MTFR2: variants seen among roughly 807,000 people sequenced by gnomAD.
MTFR2 encodes the protein DUF729 domain-containing protein 1.
MTFR2 carries 44 observed loss-of-function variants against 41.2 expected under a neutral mutation model. The ratio of observed to expected loss-of-function variants is 1.07; its 90% CI spans 0.84 to 1.37. MTFR2 has a LOEUF of 1.37. MTFR2 is among the 40% of genes most tolerant of loss of function. MTFR2 has a pLI of 0.00. For synonymous variants in MTFR2, 141 were observed against 154.6 expected (o/e 0.91, Z 0.65); for missense variants, 452 against 459.5 (o/e 0.98, Z 0.15).
chr6:136,243,599 G>A (rs1274771231), intron 3 of MTFR2, among the ~76,000 whole-genome samples: 2 of 151,868 alleles, frequency 1.3e-5, no homozygotes, highest in Non-Finnish European at 2.9e-5. Flanking sequence ...AGTAGTCCCA[G>A]CTACTCAGGA....
At position 136,241,069 on chromosome 6, in the gene MTFR2, C is replaced by A. The variant is rs1056003849; in HGVS notation, c.514+375G>T. Reference sequence around the variant, plus strand: ...TCGTGCCACTGCACTCCAGCCTGGGCGACAGAGCAAGACTGCGTCTCAAAA... The same window carrying A: ...TCGTGCCACTGCACTCCAGCCTGGGAGACAGAGCAAGACTGCGTCTCAAAA... On this transcript the variant is annotated intron_variant, in intron 5 of 7. Coordinates refer to ENST00000420702, the MANE Select transcript of MTFR2 (RefSeq NM_001099286.3). Among the ~76,000 whole-genome samples, 505 of 144,252 alleles carry A rather than the reference C, an allele frequency of 3.5e-3. 1 individual carries two copies. Among genetic ancestry groups the A allele is most frequent in the African/African-American group, 0.012 (473 of 38,504 alleles). The allele number at this position is 144,252 out of a possible 152,430, so 94.6% of individuals were successfully genotyped here.
At chr6:136,247,421 C>G in intron 2 of MTFR2, 1 of 437,802 alleles carries the variant, frequency 2.3e-6, no homozygotes, top group Admixed American at 2.7e-5. Context: ...AGTCTCTCTC[C>G]TTTCCAAGAC....
rs936073134 is a variant in MTFR2, at chr6:136,241,573, T to G, written c.385A>C (p.Lys129Gln). 7.4e-6 allele frequency: 12 copies of G among 1,614,100 alleles called. No homozygotes were observed. In the African/African-American group the frequency reaches 1.5e-4, roughly 20 times the overall value. ...SPAVRQKETV[K>Q]NDLPVNEAAI... ...GCTTCATTTACAGGCAGGTCATTTT[T>G]CACAGTTTCTTTCTGTCTTACAGCA... Residue 129 changes from lysine to glutamine, a missense_variant, in exon 5 of 8, where the codon AAA becomes CAA. Physicochemically the swap from Lys to Gln is moderately conservative, Grantham distance 53. Coordinates refer to ENST00000420702, the MANE Select transcript of MTFR2 (RefSeq NM_001099286.3).
At position 136,231,078 on chromosome 6, in the gene MTFR2, A is replaced by T. The variant is rs891343184; in HGVS notation, c.*197T>A. On this transcript the variant is annotated 3_prime_UTR_variant, in exon 8 of 8. Coordinates refer to ENST00000420702, the MANE Select transcript of MTFR2 (RefSeq NM_001099286.3). ...TTAAGCTCTATGTACAGAAGAACAGAGTATAAACGTAAAAAGGAACAAAGG... is the reference window on the plus strand; with the variant it reads ...TTAAGCTCTATGTACAGAAGAACAGTGTATAAACGTAAAAAGGAACAAAGG... The T allele has an allele frequency of 2.0e-6, 1 of 510,600 alleles. No individual in the cohort carries two copies. The highest frequency in any genetic ancestry group is 3.5e-6 in the Non-Finnish European group (1 of 288,402). 31.6% of individuals were successfully genotyped at this position (510,600 alleles called of 1,614,324 possible).
chr6:136,248,756 T>C (rs1325888931), intron 2 of MTFR2: 3 of 389,714 alleles, frequency 7.7e-6, no homozygotes, highest in African/African-American at 2.1e-5. Context: ...GAAGTTTTAA[T>C]GTATCTGTGC....
At position 136,233,489 on chromosome 6, in the gene MTFR2, C is replaced by T. The variant is rs770221119; in HGVS notation, c.880G>A (p.Gly294Ser). Residue 294 changes from glycine (G) to serine (S), a missense_variant, in exon 7 of 8, where the codon GGT (glycine) becomes AGT (serine). Transcript: ENST00000420702. ...KLRAIERSPGGRPIHKRKRQN... is the reference protein window; with the variant it reads ...KLRAIERSPGSRPIHKRKRQN... ...CTTTTCCTCTTATGAATGGGTCTAC[C>T]GCCAGGTGACCTATTTTTTAAAAAA... is the stretch of plus-strand genomic sequence containing the variant. 6.0e-5 allele frequency: 89 copies of T among 1,493,902 alleles called. 1 individual carries two copies. Among genetic ancestry groups the T allele is most frequent in the Non-Finnish European group, 7.1e-5 (79 of 1,114,930 alleles). The allele number at this position is 1,493,902 out of a possible 1,614,324, so 92.5% of individuals were successfully genotyped here.
chr6:136,247,991 T>C (rs991648066), intron 2 of MTFR2, among the ~76,000 whole-genome samples: 2 of 152,198 alleles, frequency 1.3e-5, no homozygotes, highest in Non-Finnish European at 2.9e-5. Flanking sequence ...ACTCACCTCA[T>C]CTCCATATTC....
At chr6:136,234,356 T>C (rs921471737) in intron 6 of MTFR2, among the ~76,000 whole-genome samples, 6 of 141,918 alleles carry the variant, frequency 4.2e-5, no homozygotes, top group Admixed American at 4.2e-4. Flanking sequence ...GGAAATGTAA[T>C]AGTGATTAGG....
chr6:136,247,606 G>A (rs1780246545), intron 2 of MTFR2: 3 of 444,578 alleles, frequency 6.7e-6, no homozygotes, highest in Non-Finnish European at 8.9e-6. Flanking sequence ...CCTTCAGGCT[G>A]ATGGCCTCTC....
intron 6 of MTFR2, among the ~76,000 whole-genome samples, chr6:136,235,773 A>C (rs1455153938): frequency 6.6e-6 from 1 of 152,186 alleles, no homozygotes; most frequent in East Asian, 1.9e-4. Context: ...CTCTACTAAA[A>C]ATACAAAAAT....
intron 5 of MTFR2, among the ~76,000 whole-genome samples, chr6:136,240,972 T>A (rs1304344322): frequency 6.6e-6 from 1 of 151,890 alleles, no homozygotes; most frequent in Non-Finnish European, 1.5e-5. Flanking sequence ...GCGCCTGTAG[T>A]CCCAGCTACT....
chr6:136,238,592 G>T (rs931914520), intron 6 of MTFR2, among the ~76,000 whole-genome samples: 1 of 152,036 alleles, frequency 6.6e-6, no homozygotes, highest in African/African-American at 2.4e-5. Context: ...AAGCTCTAGA[G>T]ATCTGTTGTA....
At chr6:136,247,959 A>G (rs1780256677) in intron 2 of MTFR2, among the ~76,000 whole-genome samples, 1 of 152,164 alleles carries the variant, frequency 6.6e-6, no homozygotes, top group Non-Finnish European at 1.5e-5. Context: ...ATTTCTACTT[A>G]TATGTTCTAA....
chr6:136,240,471 A>G (rs1312850104), intron 5 of MTFR2, among the ~76,000 whole-genome samples: 2 of 152,068 alleles, frequency 1.3e-5, no homozygotes, highest in Non-Finnish European at 2.9e-5. Flanking sequence ...ATATATACAT[A>G]TGTATTAAAA....
At chr6:136,243,791 T>C (rs911554578) in intron 3 of MTFR2, among the ~76,000 whole-genome samples, 21 of 151,978 alleles carry the variant, frequency 1.4e-4, no homozygotes, top group African/African-American at 4.6e-4. Context: ...GAAGGTATTG[T>C]TATTATAGGA....
intron 7 of MTFR2, among the ~76,000 whole-genome samples, chr6:136,231,673 A>T (rs78403683): frequency 1.5e-5 from 2 of 136,484 alleles, no homozygotes; most frequent in African/African-American, 6.6e-5. Flanking sequence ...ACTATGTAAA[A>T]AAAAAAAAAA....
At chr6:136,233,112 T>C (rs1779807948) in intron 7 of MTFR2, 2 of 403,298 alleles carry the variant, frequency 5.0e-6, no homozygotes, top group African/African-American at 4.0e-5. Flanking sequence ...TCAAATTAAG[T>C]ATTTTATTTC....
chr6:136,239,418 A>G, intron 6 of MTFR2, 48 bp downstream of exon 6: 1 of 1,439,456 alleles, frequency 6.9e-7, no homozygotes, highest in South Asian at 1.4e-5. Context: ...TTTTCTAAAC[A>G]TAAAATTGAC....
rs892745715 is a variant in MTFR2, at chr6:136,248,403, A to G, written c.63+634T>C. ...CTGAATCATGGGGGCAGCTTCTCCC[A>G]TACTATGCTCGTGGTAGTGAATAAG... is the stretch of plus-strand genomic sequence containing the variant. On this transcript the variant is annotated intron_variant, in intron 2 of 7. Coordinates refer to ENST00000420702, the MANE Select transcript of MTFR2 (RefSeq NM_001099286.3). 2.0e-5 allele frequency among the ~76,000 whole-genome samples: 3 copies of G among 152,210 alleles called. No individual in the cohort carries two copies. In the South Asian group the frequency reaches 6.2e-4, roughly 32 times the overall value.
Sources: gnomAD v4.1 joint callset for allele counts (sites outside exome capture counted in the v4.1 genomes callset) on GRCh38, gnomAD v4.1.1 for gene constraint, MANE v1.5 for transcripts, NCBI Gene and HGNC (gene_info 2026-07-23, HGNC 2026-07-21) for gene names.